MTX2: variants seen among roughly 807,000 people sequenced by gnomAD.
MTX2 encodes the protein metaxin 2, also known as metaxin-2.
A neutral mutation model predicts 42.3 loss-of-function variants in MTX2; 35 were observed. That is an observed-to-expected ratio of 0.83 (90% CI 0.63 to 1.10). The LOEUF is 1.10. Among genes scored for constraint, MTX2 ranks in the 50% least tolerant of loss-of-function variants. The pLI is 0.00. For missense variants in MTX2, 307 were observed against 304.1 expected (o/e 1.01, Z -0.07); for synonymous variants, 119 against 100.9 (o/e 1.18, Z -1.08).
At chr2:176,307,938 C>G (rs540884335) in intron 3 of MTX2, among the ~76,000 whole-genome samples, 120 of 152,066 alleles carry the variant, frequency 7.9e-4, no homozygotes, top group African/African-American at 2.7e-3. Flanking sequence ...ACACTGTGTT[C>G]AATAGGAGTG....
chr2:176,271,934 G>C (rs1166258443), intron 1 of MTX2, among the ~76,000 whole-genome samples: 1 of 152,176 alleles, frequency 6.6e-6, no homozygotes. Flanking sequence ...TTGTCTAAGA[G>C]GTATGTGCAG....
Position 176,283,940 on chromosome 2 carries a change from A to G in MTX2, c.41-12920A>G, listed in dbSNP as rs924864646. 2.0e-5 allele frequency among the ~76,000 whole-genome samples: 3 copies of G among 152,094 alleles called. No individual in the cohort carries two copies. In the East Asian group the frequency reaches 5.8e-4, roughly 29 times the overall value. ...CTCATATTCATTTTTAGTTCTGAGA[A>G]AAACTCATAGTATCAGTGCTTCTTT... On this transcript the variant is annotated intron_variant, in intron 1 of 9. Transcript: ENST00000249442.
intron 7 of MTX2, among the ~76,000 whole-genome samples, 166 bp downstream of exon 7, chr2:176,329,078 A>G (rs893539539): frequency 6.6e-6 from 1 of 151,294 alleles, no homozygotes; most frequent in Non-Finnish European, 1.5e-5. Context: ...TAGGGAAGCT[A>G]TGTGTCATTG....
Position 176,326,873 on chromosome 2 carries a change from G to T in MTX2, c.257G>T (p.Gly86Val). The T allele has an allele frequency of 1.3e-6, 2 of 1,567,710 alleles. No individual in the cohort carries two copies. The highest frequency in any genetic ancestry group is 1.2e-5 in the South Asian group (1 of 85,436). Residue 86 changes from glycine (G) to valine (V), a missense_variant, in exon 5 of 10, where the codon GGT becomes GTT. Physicochemically the swap from Gly to Val is moderately radical, Grantham distance 109. Transcript: ENST00000249442. ...GGAAATCAAGTAGTATCAGAACTTG[G>T]TCCAATAGTCCAATTTGTTAAAGCC... Reference protein sequence around the residue: ...HVGNQVVSELGPIVQFVKAKG... With the variant: ...HVGNQVVSELVPIVQFVKAKG...
chr2:176,296,893 A>G lies in MTX2; in HGVS notation c.74A>G (p.Tyr25Cys). Residue 25 changes from tyrosine to cysteine, a missense_variant, in exon 2 of 10, where the codon TAT becomes TGT. Coordinates refer to ENST00000249442, the MANE Select transcript of MTX2 (RefSeq NM_006554.5). Reference protein sequence around the residue: ...AEPWPENATLYQQLKGEQILL... With the variant: ...AEPWPENATLCQQLKGEQILL... Reference sequence around the variant, plus strand: ...CCTTGGCCTGAAAATGCTACATTATATCAGCAATTGAAAGGTAAGTCTTGT... The same window carrying G: ...CCTTGGCCTGAAAATGCTACATTATGTCAGCAATTGAAAGGTAAGTCTTGT... 1.9e-6 allele frequency: 3 copies of G among 1,613,464 alleles called. No homozygotes were observed. Among genetic ancestry groups the G allele is most frequent in the Non-Finnish European group, 2.5e-6 (3 of 1,179,552 alleles).
rs71004264 is a variant in MTX2 at position 176,282,126 on chromosome 2, G to GTTTTTTTT, written c.40+12478_40+12485dup. On this transcript the variant is annotated intron_variant, in intron 1 of 9. Coordinates refer to ENST00000249442, the MANE Select transcript of MTX2 (RefSeq NM_006554.5). The stretch of plus-strand genomic sequence containing the variant: ...TGATATTATTTTTAGAGTTACAGTA[G>GTTTTTTTT]TTTTTTTTTTTTTTTTTTTTTTTTT... Among the ~76,000 whole-genome samples, 222 of 26,402 alleles carry GTTTTTTTT rather than the reference G, an allele frequency of 8.4e-3. 31 individuals carry two copies. Among genetic ancestry groups the GTTTTTTTT allele is most frequent in the Non-Finnish European group, 9.9e-3 (152 of 15,366 alleles). The allele number at this position is 26,402 out of a possible 152,430, so 17.3% of individuals were successfully genotyped here. A position where few individuals can be genotyped will look rare whatever the true frequency, so the allele number is the denominator to read the frequency against.
At chr2:176,306,501 G>T (rs1684148188) in intron 3 of MTX2, among the ~76,000 whole-genome samples, 1 of 152,170 alleles carries the variant, frequency 6.6e-6, no homozygotes, top group Non-Finnish European at 1.5e-5. Flanking sequence ...TTCCACAATG[G>T]TTGAGCTAAT....
At chr2:176,270,166 G>T (rs1265456838) in intron 1 of MTX2, 1 of 331,124 alleles carries the variant, frequency 3.0e-6, no homozygotes, top group Non-Finnish European at 5.8e-6. Context: ...GACTCTAGGA[G>T]TTATTTATTT....
chr2:176,280,575 T>C (rs1310362971), intron 1 of MTX2, among the ~76,000 whole-genome samples: 1 of 152,170 alleles, frequency 6.6e-6, no homozygotes, highest in Admixed American at 6.5e-5. Flanking sequence ...CACACACATT[T>C]GTGTCTTTCC....
intron 3 of MTX2, among the ~76,000 whole-genome samples, chr2:176,306,930 T>C (rs1684164601): frequency 6.6e-6 from 1 of 152,244 alleles, no homozygotes. Flanking sequence ...CATTTGCCTA[T>C]TTTGGCTTTT....
rs867038142 is a variant in MTX2, at chr2:176,276,350, G to T, written c.40+6681G>T. ...CTGTTAATTAGAATTGCCATAGCTG[G>T]TTATTGATAATAAGAGTAAGCTTTT... On this transcript the variant is annotated intron_variant, in intron 1 of 9. Transcript: ENST00000249442. Among the ~76,000 whole-genome samples the T allele has an allele frequency of 7.9e-5, 12 of 152,246 alleles. 1 individual carries two copies. The South Asian group carries it at 2.3e-3, about 29-fold the overall frequency.
intron 3 of MTX2, among the ~76,000 whole-genome samples, chr2:176,312,795 G>A (rs1300993479): frequency 6.7e-6 from 1 of 149,638 alleles, no homozygotes; most frequent in Non-Finnish European, 1.5e-5. Context: ...TCTGGGAGGC[G>A]GAGGTTGCAG....
chr2:176,323,442 T>C lies in MTX2; in HGVS notation c.186T>C (p.Asn62=). The C allele has an allele frequency of 6.2e-7, 1 of 1,611,388 alleles. No homozygotes were observed. Among genetic ancestry groups the C allele is most frequent in the Non-Finnish European group, 8.5e-7 (1 of 1,178,254 alleles). ...CTATCAAAGTAGTTTGTAGGGCAAA[T>C]GCAGAATATATGTCTCCATCTGGTA... The part of the protein sequence containing the change: ...NLPIKVVCRA[N]AEYMSPSGKV... The change falls in exon 4 of 10, where the codon AAT becomes AAC. Residue 62 remains asparagine (N), a synonymous_variant. Transcript: ENST00000249442.
chr2:176,329,216 A>G, intron 7 of MTX2, 85 bp from the exon 8 acceptor site: 1 of 1,443,034 alleles, frequency 6.9e-7, no homozygotes, highest in Non-Finnish European at 9.3e-7. Context: ...TTCTCTGAAA[A>G]TATATTTCTT....
intron 3 of MTX2, among the ~76,000 whole-genome samples, chr2:176,310,850 C>A (rs957024294): frequency 1.3e-5 from 2 of 152,138 alleles, no homozygotes; most frequent in African/African-American, 4.8e-5. Context: ...GAACATCCTC[C>A]TTTATCTTGC....
At chr2:176,273,960 A>T (rs1234124887) in intron 1 of MTX2, among the ~76,000 whole-genome samples, 3 of 148,946 alleles carry the variant, frequency 2.0e-5, no homozygotes, top group Non-Finnish European at 4.4e-5. Flanking sequence ...TTGGTTTCTC[A>T]TTGTCAGTAG....
chr2:176,279,873 C>T (rs922504180), intron 1 of MTX2, among the ~76,000 whole-genome samples: 10 of 151,918 alleles, frequency 6.6e-5, no homozygotes, highest in Admixed American at 2.0e-4. Flanking sequence ...TATTTAGAAA[C>T]GGTGCTAATG....
intron 4 of MTX2, among the ~76,000 whole-genome samples, chr2:176,323,849 C>T (rs915780609): frequency 6.6e-6 from 1 of 151,534 alleles, no homozygotes; most frequent in South Asian, 2.1e-4. Context: ...TAATTATATT[C>T]TCCCATAATA....
intron 1 of MTX2, among the ~76,000 whole-genome samples, chr2:176,294,804 C>G (rs1215313023): frequency 6.6e-6 from 1 of 152,116 alleles, no homozygotes; most frequent in African/African-American, 2.4e-5. Context: ...ACATCAGAAT[C>G]ACCAATTTTA....
Sources: allele counts gnomAD v4.1 joint callset (sites outside exome capture counted in the v4.1 genomes callset), GRCh38; gene constraint gnomAD v4.1.1; transcripts MANE v1.5; gene names NCBI Gene and HGNC (gene_info 2026-07-23, HGNC 2026-07-21).